LTBP1: variants seen among roughly 807,000 people sequenced by gnomAD.
LTBP1 encodes the protein latent transforming growth factor beta binding protein 1.
A neutral mutation model predicts 207.6 loss-of-function variants in LTBP1; 129 were observed. The observed-to-expected ratio is 0.62, with a 90% CI of 0.54 to 0.72. The LOEUF is 0.72. LTBP1 is among the 30% of genes least tolerant of loss of function. The pLI is 0.00. For synonymous variants in LTBP1, 963 were observed against 833.7 expected, an observed-to-expected ratio of 1.16 and a Z score of -2.67; for missense variants, 2,281 against 2,217.2, an observed-to-expected ratio of 1.03 and a Z score of -0.58.
chr2:33,166,233 G>C (rs927975417), intron 5 of LTBP1, among the ~76,000 whole-genome samples: 1 of 151,942 alleles, frequency 6.6e-6, no homozygotes, highest in African/African-American at 2.4e-5. Flanking sequence ...AAAATGTATG[G>C]TACATTTTCA....
chr2:33,085,839 T>G (rs1255813898), intron 3 of LTBP1, among the ~76,000 whole-genome samples: 1 of 152,180 alleles, frequency 6.6e-6, no homozygotes, highest in Non-Finnish European at 1.5e-5. Flanking sequence ...TGGTTTGGCA[T>G]GTTCTGGCCA....
intron 31 of LTBP1, among the ~76,000 whole-genome samples, chr2:33,372,504 A>G (rs1208408038): frequency 6.6e-6 from 1 of 152,244 alleles, no homozygotes; most frequent in East Asian, 1.9e-4. Context: ...TTCTCAGTAA[A>G]TAAAACTTTT....
intron 5 of LTBP1, among the ~76,000 whole-genome samples, chr2:33,172,938 G>A (rs1045559371): frequency 6.6e-6 from 1 of 151,998 alleles, no homozygotes; most frequent in African/African-American, 2.4e-5. Context: ...CAGAAATAAA[G>A]ATGTTCTTTG....
chr2:33,231,693 G>A lies in LTBP1; in HGVS notation c.1876+9542G>A, dbSNP rs181066062. 1.6e-4 allele frequency among the ~76,000 whole-genome samples: 24 copies of A among 152,188 alleles called. No homozygotes were observed. In the East Asian group the frequency reaches 2.9e-3, roughly 18 times the overall value. On this transcript the variant is annotated intron_variant, in intron 9 of 33. Transcript: ENST00000404816. ...GACCCCCAAGAAAGCCTGCCTGGCT[G>A]GAGAAAAGAATGTGTCTTGTAGCAT...
rs1420129022 is a variant in LTBP1 at position 32,999,739 on chromosome 2, A to C, written c.566-21170A>C. Among the ~76,000 whole-genome samples, 2 of 133,016 alleles carry C rather than the reference A, an allele frequency of 1.5e-5. 1 individual carries two copies. Among genetic ancestry groups the C allele is most frequent in the Non-Finnish European group, 3.3e-5 (2 of 60,606 alleles). The allele number at this position is 133,016 out of a possible 152,430, so 87.3% of individuals were successfully genotyped here. ...ACCTGGTCTCTACTAAAAATACACA[A>C]ATTAGCTGGGCATGGTGGCGCCAAG... is the stretch of plus-strand genomic sequence containing the variant. On this transcript the variant is annotated intron_variant, in intron 2 of 33. Transcript: ENST00000404816.
chr2:33,154,353 A>G (rs1289311061), intron 5 of LTBP1, among the ~76,000 whole-genome samples: 1 of 152,068 alleles, frequency 6.6e-6, no homozygotes, highest in African/African-American at 2.4e-5. Context: ...TGTATTCCAA[A>G]CACTCATTTC....
At chr2:33,205,104 T>C (rs2089730757) in intron 7 of LTBP1, among the ~76,000 whole-genome samples, 1 of 152,188 alleles carries the variant, frequency 6.6e-6, no homozygotes, top group Admixed American at 6.5e-5. Flanking sequence ...GCACAGGCCA[T>C]ATGGACAGAT....
At chr2:33,220,836 A>G (rs1015994046) in intron 8 of LTBP1, among the ~76,000 whole-genome samples, 1 of 152,112 alleles carries the variant, frequency 6.6e-6, no homozygotes, top group African/African-American at 2.4e-5. Flanking sequence ...CAGATGCCTC[A>G]CTCTGATCTT....
intron 23 of LTBP1, among the ~76,000 whole-genome samples, chr2:33,310,800 C>G (rs1462233931): frequency 6.6e-6 from 1 of 152,104 alleles, no homozygotes; most frequent in Non-Finnish European, 1.5e-5. Flanking sequence ...CCTGACTTGC[C>G]CCACAAGCTT....
chr2:33,216,739 A>G (rs2090738818), intron 7 of LTBP1, among the ~76,000 whole-genome samples: 2 of 152,080 alleles, frequency 1.3e-5, no homozygotes, highest in African/African-American at 4.8e-5. Context: ...TGGCCTTTGG[A>G]TGGGTCCACA....
chr2:33,365,856 A>C (rs1559074818), intron 31 of LTBP1, among the ~76,000 whole-genome samples: 1 of 152,214 alleles, frequency 6.6e-6, no homozygotes, highest in Non-Finnish European at 1.5e-5. Flanking sequence ...AACAGTTTCT[A>C]CTTAGACCAA....
At chr2:33,375,314 C>T (rs1343624174) in intron 31 of LTBP1, among the ~76,000 whole-genome samples, 2 of 152,134 alleles carry the variant, frequency 1.3e-5, no homozygotes, top group African/African-American at 2.4e-5. Context: ...TGCACTGCTC[C>T]CTGGTTATCC....
intron 5 of LTBP1, among the ~76,000 whole-genome samples, chr2:33,160,474 T>G (rs1028383320): frequency 2.0e-5 from 3 of 152,192 alleles, no homozygotes; most frequent in African/African-American, 7.2e-5. Context: ...TGAATGCCTG[T>G]GTAAGTTTGG....
chr2:33,336,584 G>A (rs1179033637), intron 24 of LTBP1, among the ~76,000 whole-genome samples: 1 of 152,172 alleles, frequency 6.6e-6, no homozygotes, highest in South Asian at 2.1e-4. Context: ...ACAACTCTCA[G>A]TAGCTTTGGA....
chr2:33,253,218 G>T (rs978871286), intron 11 of LTBP1, among the ~76,000 whole-genome samples: 9 of 152,108 alleles, frequency 5.9e-5, no homozygotes, highest in African/African-American at 1.9e-4. Context: ...TAGACTTTGT[G>T]CAAGTTGACT....
rs533561003 is a variant in LTBP1, at chr2:33,372,859, A to T, written c.4711+7356A>T. Among the ~76,000 whole-genome samples, 4 of 152,348 alleles carry T rather than the reference A, an allele frequency of 2.6e-5. No individual in the cohort carries two copies. In the South Asian group the frequency reaches 8.3e-4, roughly 32 times the overall value. On this transcript the variant is annotated intron_variant, in intron 31 of 33. Transcript: ENST00000404816. Reference sequence around the variant, plus strand: ...AGTTTGGACAACAGAGCAAGACTTCATCTGAAAAAAGATAACATAAGCTTA... The same window carrying T: ...AGTTTGGACAACAGAGCAAGACTTCTTCTGAAAAAAGATAACATAAGCTTA...
chr2:33,200,623 A>G (rs1490227615), intron 7 of LTBP1, among the ~76,000 whole-genome samples: 2 of 152,228 alleles, frequency 1.3e-5, no homozygotes, highest in Non-Finnish European at 1.5e-5. Flanking sequence ...AAAATTGACA[A>G]ATGGGATCTA....
intron 2 of LTBP1, among the ~76,000 whole-genome samples, chr2:33,015,692 C>T (rs559333631): frequency 3.9e-5 from 6 of 152,070 alleles, no homozygotes; most frequent in Non-Finnish European, 8.8e-5. Context: ...TGAGACTGGG[C>T]GATTTATAAA....
chr2:33,281,512 A>T (rs78870554), intron 19 of LTBP1, among the ~76,000 whole-genome samples: 1 of 152,328 alleles, frequency 6.6e-6, no homozygotes, highest in East Asian at 1.9e-4. Flanking sequence ...AGTCCTGTTA[A>T]AACTGACGGT....
Sources: gnomAD v4.1 joint callset for allele counts (sites outside exome capture counted in the v4.1 genomes callset) on GRCh38, gnomAD v4.1.1 for gene constraint, MANE v1.5 for transcripts, NCBI Gene and HGNC (gene_info 2026-07-23, HGNC 2026-07-21) for gene names.